Variants in CNTNAP2 observed in about 807,000 individuals in gnomAD.
CNTNAP2 encodes the protein contactin-associated protein-like 2.
In CNTNAP2, 98 loss-of-function variants were observed where a neutral mutation model predicts 155.2. The observed-to-expected ratio is 0.63, with a 90% confidence interval of 0.54 to 0.75. The LOEUF is 0.75. CNTNAP2 is among the 30% of genes least tolerant of loss of function. The pLI, the probability that CNTNAP2 is intolerant of heterozygous loss-of-function variation, is 0.00. For missense variants in CNTNAP2, 1,727 were observed against 1,688.1 expected (o/e 1.02, Z -0.40); for synonymous variants, 651 against 631.2 (o/e 1.03, Z -0.47).
intron 21 of CNTNAP2, among the ~76,000 whole-genome samples, chr7:148,303,710 T>G (rs1797436267): frequency 6.6e-6 from 1 of 152,248 alleles, no homozygotes; most frequent in Non-Finnish European, 1.5e-5. Context: ...GAAATTGTCC[T>G]TATTGTCCTA....
intron 1 of CNTNAP2, among the ~76,000 whole-genome samples, chr7:146,352,750 G>GTTTTGTTTTT (rs1794934626): frequency 1.6e-5 from 1 of 64,338 alleles, no homozygotes; most frequent in Non-Finnish European, 2.9e-5. Context: ...GCATAATTCT[G>GTTTTGTTTTT]TTTTTTTTTT....
chr7:148,374,382 A>C (rs1408387075), intron 21 of CNTNAP2, among the ~76,000 whole-genome samples: 1 of 152,216 alleles, frequency 6.6e-6, no homozygotes, highest in Admixed American at 6.5e-5. Context: ...ACACTTTGTT[A>C]TGCTGCTTGT....
In CNTNAP2 at chr7:146,402,065, T is replaced by G. The variant is rs533017459; in HGVS notation, c.97+285092T>G. Among the ~76,000 whole-genome samples, 10 of 152,304 alleles carry G rather than the reference T, an allele frequency of 6.6e-5. No homozygotes were observed. The South Asian group carries it at 2.1e-3, about 32-fold the overall frequency. On this transcript the variant is annotated intron_variant, in intron 1 of 23. Transcript: ENST00000361727. ...TATAAGTATTATATGTAGAGATGAA[T>G]TTTCCTCAGAAGTTGAAGGTCTTCC...
chr7:147,215,825 CTGT>C (rs1756987896), intron 8 of CNTNAP2, among the ~76,000 whole-genome samples: 1 of 152,094 alleles, frequency 6.6e-6, no homozygotes, highest in African/African-American at 2.4e-5. Context: ...ATGAGAGTTC[CTGT>C]TGTTTTGCAT....
intron 9 of CNTNAP2, among the ~76,000 whole-genome samples, chr7:147,347,427 T>TATATATATATATGC (rs1198418943): frequency 7.2e-5 from 4 of 55,356 alleles, no homozygotes; most frequent in Admixed American, 3.2e-4. Flanking sequence ...AGATTATATA[T>TATATATATATATGC]ATATATATAT....
intron 1 of CNTNAP2, among the ~76,000 whole-genome samples, chr7:146,155,774 A>G (rs921434592): frequency 1.3e-5 from 2 of 151,760 alleles, no homozygotes; most frequent in South Asian, 4.2e-4. Context: ...ATCTTGGCTC[A>G]CTACAACCTC....
intron 1 of CNTNAP2, among the ~76,000 whole-genome samples, chr7:146,118,253 G>C (rs998116687): frequency 1.3e-5 from 2 of 152,104 alleles, no homozygotes; most frequent in African/African-American, 2.4e-5. Context: ...AATGTGTAAA[G>C]ATAAGGAGAT....
chr7:147,270,499 G>C (rs369624955), intron 8 of CNTNAP2, among the ~76,000 whole-genome samples: 2 of 152,248 alleles, frequency 1.3e-5, no homozygotes, highest in South Asian at 4.1e-4. Context: ...TTACACATGT[G>C]GCTTACCTCT....
At chr7:146,677,108 A>G (rs902019551) in intron 1 of CNTNAP2, among the ~76,000 whole-genome samples, 4 of 152,192 alleles carry the variant, frequency 2.6e-5, no homozygotes, top group African/African-American at 9.6e-5. Context: ...TGAGACATCA[A>G]TCAATATGTA....
chr7:146,570,436 C>T (rs1035561542), intron 1 of CNTNAP2, among the ~76,000 whole-genome samples: 4 of 152,104 alleles, frequency 2.6e-5, no homozygotes, highest in Non-Finnish European at 4.4e-5. Context: ...TGCATCTGTG[C>T]TCATTAAATA....
chr7:147,131,170 CCATATA>C (rs1051547438), intron 7 of CNTNAP2, among the ~76,000 whole-genome samples: 19 of 149,162 alleles, frequency 1.3e-4, no homozygotes, highest in South Asian at 1.3e-3. Context: ...TATATATGTA[CCATATA>C]CATATACATA....
At chr7:147,924,945 G>A (rs529510503) in intron 14 of CNTNAP2, among the ~76,000 whole-genome samples, 21 of 151,752 alleles carry the variant, frequency 1.4e-4, no homozygotes, top group East Asian at 3.9e-4. Flanking sequence ...ATGAAATCCC[G>A]TCTCTACAAA....
chr7:147,563,586 G>T (rs1800108619), intron 12 of CNTNAP2, among the ~76,000 whole-genome samples: 4 of 151,776 alleles, frequency 2.6e-5, no homozygotes, highest in Admixed American at 2.0e-4. Context: ...CCGAGATCAA[G>T]CCACTGCACT....
At chr7:148,297,165 A>AAGG (rs1797299988) in intron 21 of CNTNAP2, among the ~76,000 whole-genome samples, 13 of 128,832 alleles carry the variant, frequency 1.0e-4, no homozygotes, top group African/African-American at 3.3e-4. Flanking sequence ...GAGATAGAGA[A>AAGG]AAGGAAGGAA....
chr7:148,067,295 C>T (rs1438675436), intron 15 of CNTNAP2, among the ~76,000 whole-genome samples: 1 of 152,150 alleles, frequency 6.6e-6, no homozygotes, highest in Non-Finnish European at 1.5e-5. Flanking sequence ...GGGGTGATGC[C>T]TTGATGTGGT....
intron 15 of CNTNAP2, among the ~76,000 whole-genome samples, chr7:148,002,945 A>G (rs547141330): frequency 5.3e-5 from 8 of 152,354 alleles, no homozygotes; most frequent in Admixed American, 2.0e-4. Flanking sequence ...GTTGAACACA[A>G]AAAGGCCATT....
chr7:147,798,388 A>C (rs1797935828), intron 13 of CNTNAP2, among the ~76,000 whole-genome samples: 1 of 152,210 alleles, frequency 6.6e-6, no homozygotes, highest in East Asian at 1.9e-4. Flanking sequence ...AAACTGACTT[A>C]AAAGTAGGGT....
chr7:147,888,981 G>T (rs962702694), intron 13 of CNTNAP2, among the ~76,000 whole-genome samples: 1 of 152,002 alleles, frequency 6.6e-6, no homozygotes, highest in East Asian at 1.9e-4. Flanking sequence ...AGGAAAACAA[G>T]ATGAAGCTAA....
intron 1 of CNTNAP2, among the ~76,000 whole-genome samples, chr7:146,487,586 A>G (rs138735807): frequency 6.6e-6 from 1 of 152,312 alleles, no homozygotes; most frequent in East Asian, 1.9e-4. Flanking sequence ...TTGGTGATCA[A>G]TTTTCCCCAC....
Sources: gnomAD v4.1 joint callset for allele counts (sites outside exome capture counted in the v4.1 genomes callset) on GRCh38, gnomAD v4.1.1 for gene constraint, MANE v1.5 for transcripts, NCBI Gene and HGNC (gene_info 2026-07-23, HGNC 2026-07-21) for gene names.